Variants in DIAPH3 observed in about 807,000 individuals in gnomAD.
The protein encoded by DIAPH3 is protein diaphanous homolog 3.
Under a neutral mutation model 144.3 loss-of-function variants are expected in DIAPH3, and 117 were observed. The ratio of observed to expected loss-of-function variants is 0.81; its 90% CI spans 0.70 to 0.95. The LOEUF (loss-of-function observed/expected upper bound fraction) is 0.95. DIAPH3 is among the 40% of genes least tolerant of loss of function. The pLI is 0.00. For missense variants in DIAPH3, 1,421 were observed against 1,412.7 expected, an observed-to-expected ratio of 1.01 and a Z score of -0.09; for synonymous variants, 519 against 488.9, an observed-to-expected ratio of 1.06 and a Z score of -0.81.
intron 9 of DIAPH3, among the ~76,000 whole-genome samples, chr13:60,008,245 A>C (rs1331108302): frequency 6.6e-6 from 1 of 152,054 alleles, no homozygotes; most frequent in Non-Finnish European, 1.5e-5. Context: ...TACAAAAAAA[A>C]ATTAGCTGGG....
chr13:59,992,521 A>C lies in DIAPH3; in HGVS notation c.1077T>G (p.Leu359=). Reference sequence around the variant, plus strand: ...AACGCATAAATTCATTTCTGATGTGAAGCCTGAAATCCAAATCATCAGGAG... The same window carrying C: ...AACGCATAAATTCATTTCTGATGTGCAGCCTGAAATCCAAATCATCAGGAG... ...VTSPDDLDFR[L]HIRNEFMRCG... Residue 359 remains leucine, a synonymous_variant, in exon 10 of 28, where the codon CTT becomes CTG. Coordinates refer to ENST00000400324, the MANE Select transcript of DIAPH3 (RefSeq NM_001042517.2). 6.2e-7 allele frequency: 1 copy of C among 1,612,374 alleles called. No individual in the cohort carries two copies. Among genetic ancestry groups the C allele is most frequent in the African/African-American group, 1.3e-5 (1 of 74,938 alleles).
intron 20 of DIAPH3, among the ~76,000 whole-genome samples, chr13:59,884,016 T>A (rs942448106): frequency 1.3e-5 from 2 of 152,268 alleles, no homozygotes; most frequent in East Asian, 3.9e-4. Flanking sequence ...ACAGGCTGCA[T>A]AGTAGGAGGT....
At chr13:59,898,528 A>G (rs56046727) in intron 20 of DIAPH3, among the ~76,000 whole-genome samples, 1 of 152,210 alleles carries the variant, frequency 6.6e-6, no homozygotes, top group South Asian at 2.1e-4. Flanking sequence ...GCCAAGAGCT[A>G]AATGATTTTA....
intron 22 of DIAPH3, among the ~76,000 whole-genome samples, chr13:59,845,748 G>A (rs1340393112): frequency 6.6e-6 from 1 of 152,188 alleles, no homozygotes; most frequent in Non-Finnish European, 1.5e-5. Flanking sequence ...CAGGTAAAGT[G>A]CCCTTTCTCC....
intron 2 of DIAPH3, among the ~76,000 whole-genome samples, chr13:60,127,106 TCA>T (rs1175664330): frequency 2.0e-5 from 3 of 152,034 alleles, no homozygotes; most frequent in Admixed American, 2.0e-4. Flanking sequence ...GCCAGACTAG[TCA>T]CAGAGAAAAA....
intron 27 of DIAPH3, among the ~76,000 whole-genome samples, chr13:59,683,838 C>T (rs1161307968): frequency 6.6e-6 from 1 of 152,144 alleles, no homozygotes; most frequent in African/African-American, 2.4e-5. Context: ...TCCACCTGGG[C>T]CTCTCCTAAG....
intron 25 of DIAPH3, 65 bp downstream of exon 25, chr13:59,810,723 T>C: frequency 6.5e-7 from 1 of 1,545,282 alleles, no homozygotes; most frequent in Non-Finnish European, 8.8e-7. Flanking sequence ...ATTAATATAC[T>C]AATAAAGCAG....
Position 59,666,556 on chromosome 13 carries a change from A to C in DIAPH3, c.*28T>G. 5 of 1,613,394 alleles carry C rather than the reference A, an allele frequency of 3.1e-6. No individual in the cohort carries two copies. The highest frequency in any genetic ancestry group is 4.2e-6 in the Non-Finnish European group (5 of 1,179,720). ...TAGAGCATGGCTTTATATTTGGCTT[A>C]ATCATTTTTTTTAAAAACCAGTTTA... On this transcript the variant is annotated 3_prime_UTR_variant, in exon 28 of 28. Coordinates refer to ENST00000400324, the MANE Select transcript of DIAPH3 (RefSeq NM_001042517.2).
At chr13:60,076,038 T>G (rs2057368756) in intron 4 of DIAPH3, among the ~76,000 whole-genome samples, 1 of 152,232 alleles carries the variant, frequency 6.6e-6, no homozygotes, top group African/African-American at 2.4e-5. Flanking sequence ...CAAGTCACAG[T>G]CAATGCCTTC....
intron 4 of DIAPH3, among the ~76,000 whole-genome samples, chr13:60,047,931 G>A (rs181372062): frequency 5.0e-4 from 76 of 152,306 alleles, no homozygotes; most frequent in Non-Finnish European, 9.3e-4. Flanking sequence ...AGCTAAGTTA[G>A]CCTGTTACTA....
intron 22 of DIAPH3, among the ~76,000 whole-genome samples, chr13:59,850,771 T>G: frequency 6.7e-6 from 1 of 149,832 alleles, no homozygotes; most frequent in Non-Finnish European, 1.5e-5. Context: ...AACTAGAAAA[T>G]CTAGAAGAAA....
intron 25 of DIAPH3, among the ~76,000 whole-genome samples, chr13:59,789,607 T>C (rs938985309): frequency 6.6e-6 from 1 of 152,018 alleles, no homozygotes; most frequent in Non-Finnish European, 1.5e-5. Flanking sequence ...GAAGCCAGGA[T>C]AAATGGACTT....
chr13:59,895,442 A>C (rs910443383), intron 20 of DIAPH3, among the ~76,000 whole-genome samples: 13 of 145,694 alleles, frequency 8.9e-5, no homozygotes, highest in African/African-American at 5.5e-5. Flanking sequence ...AAAAAAAAAA[A>C]ACAAAAAAAA....
rs961563501 is a variant in DIAPH3 at position 60,092,029 on chromosome 13, C to G, written c.495+1599G>C. Among the ~76,000 whole-genome samples the G allele has an allele frequency of 1.3e-5, 2 of 151,834 alleles. 1 individual carries two copies. Among genetic ancestry groups the G allele is most frequent in the African/African-American group, 4.8e-5 (2 of 41,342 alleles). On this transcript the variant is annotated intron_variant, in intron 4 of 27. Coordinates refer to ENST00000400324, the MANE Select transcript of DIAPH3 (RefSeq NM_001042517.2). Reference sequence around the variant, plus strand: ...AGCTAATTTCTTTTTCTGGTTGAGACAAAGTCTCACTATGTTCTCCAGGCT... The same window carrying G: ...AGCTAATTTCTTTTTCTGGTTGAGAGAAAGTCTCACTATGTTCTCCAGGCT...
intron 25 of DIAPH3, among the ~76,000 whole-genome samples, chr13:59,789,310 C>G (rs954182371): frequency 6.6e-5 from 10 of 152,148 alleles, no homozygotes; most frequent in Non-Finnish European, 1.3e-4. Context: ...AGAAGTTTCA[C>G]TTGTCACCCA....
chr13:59,755,125 T>C (rs569943720), intron 27 of DIAPH3, among the ~76,000 whole-genome samples: 2 of 152,346 alleles, frequency 1.3e-5, no homozygotes, highest in African/African-American at 4.8e-5. Context: ...ATACATATTC[T>C]CCTTAGAGTT....
intron 20 of DIAPH3, among the ~76,000 whole-genome samples, chr13:59,888,985 A>G (rs971334875): frequency 6.6e-6 from 1 of 151,934 alleles, no homozygotes; most frequent in African/African-American, 2.4e-5. Flanking sequence ...TTGTTTTCCT[A>G]CATGTACTGT....
intron 5 of DIAPH3, among the ~76,000 whole-genome samples, chr13:60,020,435 A>G (rs1486362359): frequency 6.6e-6 from 1 of 152,124 alleles, no homozygotes; most frequent in African/African-American, 2.4e-5. Context: ...TGACACAATC[A>G]TGTCTCACTG....
At chr13:59,938,866 A>T (rs1438845186) in intron 17 of DIAPH3, among the ~76,000 whole-genome samples, 2 of 152,196 alleles carry the variant, frequency 1.3e-5, no homozygotes, top group African/African-American at 4.8e-5. Flanking sequence ...ATAAGTTCTA[A>T]AGACGGATGG....
Sources: gnomAD v4.1 joint callset for allele counts (sites outside exome capture counted in the v4.1 genomes callset) on GRCh38, gnomAD v4.1.1 for gene constraint, MANE v1.5 for transcripts, NCBI Gene and HGNC (gene_info 2026-07-23, HGNC 2026-07-21) for gene names.